POMGNT2: variants seen among roughly 807,000 people sequenced by gnomAD.
POMGNT2 encodes protein O-linked-mannose beta-1,4-N-acetylglucosaminyltransferase 2.
In POMGNT2, 32 loss-of-function variants were observed where a neutral mutation model predicts 37.8. The ratio of observed to expected loss-of-function variants is 0.85; its 90% CI spans 0.64 to 1.14. The LOEUF (loss-of-function observed/expected upper bound fraction) is 1.14, where lower values mean the gene tolerates loss of function less well. POMGNT2 is among the 50% of genes most tolerant of loss of function. POMGNT2 has a pLI of 0.00. For missense variants in POMGNT2, 705 were observed against 780.6 expected, an observed-to-expected ratio of 0.90 and a Z score of 1.15; for synonymous variants, 340 against 336.8, an observed-to-expected ratio of 1.01 and a Z score of -0.10.
At chr3:43,094,248 C>T (rs563248823) in intron 1 of POMGNT2, among the ~76,000 whole-genome samples, 30 of 152,318 alleles carry the variant, frequency 2.0e-4, no homozygotes, top group African/African-American at 6.5e-4. Context: ...GTACATTAAT[C>T]GGATCTCCAG....
intron 1 of POMGNT2, among the ~76,000 whole-genome samples, chr3:43,084,068 A>G (rs1269577351): frequency 6.6e-6 from 1 of 152,142 alleles, no homozygotes; most frequent in Admixed American, 6.5e-5. Context: ...GGCCTCTGTG[A>G]CTGCTGATGA....
chr3:43,103,913 A>G (rs1027130858), intron 1 of POMGNT2, among the ~76,000 whole-genome samples: 3 of 152,172 alleles, frequency 2.0e-5, no homozygotes, highest in Non-Finnish European at 4.4e-5. Context: ...TCAAAGAGAC[A>G]GCAAAGGCAA....
At position 43,098,979 on chromosome 3, in the gene POMGNT2, T is replaced by C. The variant is rs1314138404; in HGVS notation, c.-106+6857A>G. ...ACAAATGGGTCACCTGGAAGTGACA[T>C]GTGCCTGTATTGGTCCTCTCTGGCA... On this transcript the variant is annotated intron_variant, in intron 1 of 1. Coordinates refer to ENST00000344697, the MANE Select transcript of POMGNT2 (RefSeq NM_032806.6). The surrounding 1 kb of genome is among the most constrained non-coding windows in gnomAD (Gnocchi z 4.3). Among the ~76,000 whole-genome samples the C allele has an allele frequency of 6.6e-6, 1 of 152,218 alleles. No individual in the cohort carries two copies. Among genetic ancestry groups the C allele is most frequent in the East Asian group, 1.9e-4 (1 of 5,204 alleles).
intron 1 of POMGNT2, among the ~76,000 whole-genome samples, chr3:43,091,268 T>TAA (rs35779506): frequency 3.3e-5 from 5 of 149,940 alleles, no homozygotes; most frequent in East Asian, 2.0e-4. Flanking sequence ...GTAAAAGTAT[T>TAA]AAAAAAAAAA....
rs137873804 is a variant in POMGNT2, at chr3:43,080,030, G to A, written c.1402C>T (p.Arg468Trp). The change falls in exon 2 of 2, where the codon CGG becomes TGG. Residue 468 changes from arginine to tryptophan, a missense_variant. Transcript: ENST00000344697. ...IQTIRRVVKG[R>W]PGPRKQKWTV... ...CACTTCTGCTTCCGTGGTCCTGGCC[G>A]GCCCTTCACCACGCGCCGTATGGTT... 116 of 1,613,828 alleles carry A rather than the reference G, an allele frequency of 7.2e-5. No homozygotes were observed. In the Admixed American group the frequency reaches 8.3e-4, roughly 12 times the overall value.
Position 43,079,590 on chromosome 3 carries a change from CAATA to C in POMGNT2, c.*95_*98del, listed in dbSNP as rs1431186127. 1.1e-5 allele frequency: 12 copies of C among 1,082,142 alleles called. No individual in the cohort carries two copies. Among genetic ancestry groups the C allele is most frequent in the Non-Finnish European group, 1.6e-5 (12 of 747,854 alleles). 67.0% of individuals were successfully genotyped at this position (1,082,142 alleles called of 1,614,324 possible). ...GATGATGTGGAGGCACAGGCCTGCT[CAATA>C]AATAGTTCCCAGAAGTCTCCACAGT... On this transcript the variant is annotated 3_prime_UTR_variant, in exon 2 of 2. Transcript: ENST00000344697.
rs2125700054 is a variant in POMGNT2 at position 43,080,420 on chromosome 3, C to T, written c.1012G>A (p.Ala338Thr). 2 of 1,614,152 alleles carry T rather than the reference C, an allele frequency of 1.2e-6. No homozygotes were observed. The highest frequency in any genetic ancestry group is 1.7e-5 in the Admixed American group (1 of 60,030). Reference sequence around the variant, plus strand: ...CCATGCATGCTGACCAGCATGGAGGCATTGCTGACCAGCCGCACGACATCA... The same window carrying T: ...CCATGCATGCTGACCAGCATGGAGGTATTGCTGACCAGCCGCACGACATCA... The part of the protein sequence containing the change: ...FADVVRLVSN[A>T]SMLVSMHGAQ... The change falls in exon 2 of 2, where the codon GCC (alanine) becomes ACC (threonine). Residue 338 changes from alanine to threonine, a missense_variant. Ala to Thr is a moderately conservative substitution (Grantham distance 58, BLOSUM62 0). Transcript: ENST00000344697.
At chr3:43,091,700 C>A (rs766114936) in intron 1 of POMGNT2, among the ~76,000 whole-genome samples, 6 of 152,196 alleles carry the variant, frequency 3.9e-5, no homozygotes, top group Non-Finnish European at 8.8e-5. Context: ...TGCCCTGAAC[C>A]AAGTAATCAA....
intron 1 of POMGNT2, among the ~76,000 whole-genome samples, chr3:43,094,293 C>T (rs1322488329): frequency 6.6e-6 from 1 of 152,188 alleles, no homozygotes; most frequent in Admixed American, 6.5e-5. Context: ...TCCCCATCAC[C>T]ACATCGAAAT....
intron 1 of POMGNT2, among the ~76,000 whole-genome samples, chr3:43,095,352 G>A (rs1177577649): frequency 6.6e-6 from 1 of 152,242 alleles, no homozygotes; most frequent in Non-Finnish European, 1.5e-5. Context: ...GGTCACTGAT[G>A]CAAAGGACCC....
At chr3:43,104,396 G>A (rs536317567) in intron 1 of POMGNT2, among the ~76,000 whole-genome samples, 1 of 152,312 alleles carries the variant, frequency 6.6e-6, no homozygotes, top group South Asian at 2.1e-4. Context: ...TTTGTTTATT[G>A]CTAAATATTT....
rs769359700 is a variant in POMGNT2 at position 43,079,957 on chromosome 3, G to T, written c.1475C>A (p.Ala492Glu). ...GGCCTCGGAGGCGCCATGCACTGAC[G>T]CCTGGCACCGTGCCTCCCGCACCTT... The part of the protein sequence containing the change: ...PGKVREARCQ[A>E]SVHGASEARL... Residue 492 changes from alanine (A) to glutamate (E), a missense_variant, in exon 2 of 2, where the codon GCG becomes GAG. Transcript: ENST00000344697. The T allele has an allele frequency of 1.9e-6, 3 of 1,613,956 alleles. No individual in the cohort carries two copies. Among genetic ancestry groups the T allele is most frequent in the East Asian group, 2.2e-5 (1 of 44,874 alleles).
At position 43,098,356 on chromosome 3, in the gene POMGNT2, CT is replaced by C. The variant is rs1171566384; in HGVS notation, c.-106+7479del. The stretch of plus-strand genomic sequence containing the variant: ...CCTCAGAATGATCTCTTTCCCCCTC[CT>C]TTTTTTTTGGTTATCTGAAGTAGTA... On this transcript the variant is annotated intron_variant, in intron 1 of 1. Transcript: ENST00000344697. This position sits in a 1 kb window ranked among gnomAD's most constrained non-coding sequence, Gnocchi z 4.3. Among the ~76,000 whole-genome samples the C allele has an allele frequency of 1.3e-5, 2 of 150,876 alleles. No homozygotes were observed. The highest frequency in any genetic ancestry group is 6.6e-5 in the Admixed American group (1 of 15,138).
chr3:43,084,559 G>A (rs2089880773), intron 1 of POMGNT2, among the ~76,000 whole-genome samples: 1 of 151,928 alleles, frequency 6.6e-6, no homozygotes, highest in Non-Finnish European at 1.5e-5. Context: ...GCAGGAGAAT[G>A]GCATGAACCC....
In POMGNT2 at chr3:43,081,332, C is replaced by A. The variant is rs761604995; in HGVS notation, c.100G>T (p.Glu34Ter). 1.9e-6 allele frequency: 3 copies of A among 1,611,328 alleles called. No individual in the cohort carries two copies. Among genetic ancestry groups the A allele is most frequent in the South Asian group, 2.2e-5 (2 of 91,076 alleles). Residue 34 changes from glutamate to a stop codon, truncating the protein, a stop_gained, in exon 2 of 2, where the codon GAG becomes TAG. Transcript: ENST00000344697. LOFTEE classifies it high-confidence loss of function. ...GCCTGTCGGCTGAGGGCCAGCTCCT[C>A]CTCCAGTGTGGCTGCATGCTCACGC... Reference protein sequence around the residue: ...RLREHAATLEEELALSRQATE... With the variant: ...RLREHAATLE
chr3:43,079,316 C>T lies in POMGNT2; in HGVS notation c.*373G>A, dbSNP rs187883605. On this transcript the variant is annotated 3_prime_UTR_variant, in exon 2 of 2. Coordinates refer to ENST00000344697, the MANE Select transcript of POMGNT2 (RefSeq NM_032806.6). The stretch of plus-strand genomic sequence containing the variant: ...TTTCACTGGGATGGAAGCAGATGAA[C>T]CACCCAATCAAACAGTACATGATTA... 5.3e-6 allele frequency: 1 copy of T among 187,026 alleles called. No individual in the cohort carries two copies. Among genetic ancestry groups the T allele is most frequent in the East Asian group, 1.4e-4 (1 of 7,050 alleles). 11.6% of individuals were successfully genotyped at this position (187,026 alleles called of 1,614,324 possible).
At chr3:43,094,510 A>G (rs1245299856) in intron 1 of POMGNT2, among the ~76,000 whole-genome samples, 1 of 152,222 alleles carries the variant, frequency 6.6e-6, no homozygotes, top group African/African-American at 2.4e-5. Context: ...GAAGTGAGAG[A>G]GCCCAGGTGG....
chr3:43,086,824 GAGAA>G lies in POMGNT2; in HGVS notation c.-105-5292_-105-5289del, dbSNP rs531300430. Among the ~76,000 whole-genome samples the G allele has an allele frequency of 8.1e-4, 124 of 152,294 alleles. 1 individual carries two copies. The Middle Eastern group carries it at 0.01, about 13-fold the overall frequency. On this transcript the variant is annotated intron_variant, in intron 1 of 1. Transcript: ENST00000344697. ...GGCTTCATTTTTTGTTCTCAGAAGG[GAGAA>G]AGGAGAGGTGACTCCCACTCAGGCA... is the stretch of plus-strand genomic sequence containing the variant.
At chr3:43,086,345 G>A (rs1292874170) in intron 1 of POMGNT2, among the ~76,000 whole-genome samples, 1 of 152,200 alleles carries the variant, frequency 6.6e-6, no homozygotes, top group African/African-American at 2.4e-5. Context: ...TCAGGAAGAT[G>A]AGGATCACCA....
Sources: gnomAD v4.1 joint callset for allele counts (sites outside exome capture counted in the v4.1 genomes callset) on GRCh38, gnomAD v4.1.1 for gene constraint, Gnocchi (gnomAD v3.1) non-coding constraint, MANE v1.5 for transcripts, NCBI Gene and HGNC (gene_info 2026-07-23, HGNC 2026-07-21) for gene names.